Variants in CSMD1 observed in about 807,000 individuals in gnomAD.
The protein encoded by CSMD1 is CUB and Sushi multiple domains 1.
A neutral mutation model predicts 417.5 loss-of-function variants in CSMD1; 213 were observed. The ratio of observed to expected loss-of-function variants is 0.51; its 90% confidence interval spans 0.46 to 0.57. CSMD1 has a LOEUF of 0.57. Among genes scored for constraint, CSMD1 ranks in the 20% least tolerant of loss-of-function variants. The pLI is 0.00. For synonymous variants in CSMD1, 2,862 were observed against 1,736.8 expected, an observed-to-expected ratio of 1.65 and a Z score of -16.11; for missense variants, 6,923 against 4,529.7, an observed-to-expected ratio of 1.53 and a Z score of -15.17.
intron 3 of CSMD1, among the ~76,000 whole-genome samples, chr8:4,210,561 A>G (rs1050500020): frequency 3.3e-5 from 5 of 152,204 alleles, no homozygotes; most frequent in African/African-American, 4.8e-5. Flanking sequence ...CACAAATAGG[A>G]AACACAATAT....
intron 1 of CSMD1, among the ~76,000 whole-genome samples, chr8:4,799,405 C>T (rs1378701541): frequency 6.6e-6 from 1 of 151,446 alleles, no homozygotes; most frequent in Non-Finnish European, 1.5e-5. Flanking sequence ...ATCCTCAGCC[C>T]GGCCACCATG....
At chr8:4,811,034 C>T (rs1798868979) in intron 1 of CSMD1, among the ~76,000 whole-genome samples, 1 of 152,190 alleles carries the variant, frequency 6.6e-6, no homozygotes, top group East Asian at 1.9e-4. Flanking sequence ...GTGAAATGGG[C>T]ATCACACTTA....
chr8:3,507,962 G>T (rs532839031), intron 10 of CSMD1, among the ~76,000 whole-genome samples: 1 of 152,148 alleles, frequency 6.6e-6, no homozygotes, highest in South Asian at 2.1e-4. Flanking sequence ...TAGGTTGCCT[G>T]TTCACTCTGA....
At chr8:3,443,582 G>C (rs1232997297) in intron 12 of CSMD1, among the ~76,000 whole-genome samples, 6 of 152,198 alleles carry the variant, frequency 3.9e-5, no homozygotes, top group African/African-American at 1.2e-4. Flanking sequence ...GTTTAGAAGA[G>C]AAGGAAGCAG....
At chr8:4,290,003 G>C (rs900758656) in intron 3 of CSMD1, among the ~76,000 whole-genome samples, 1 of 152,180 alleles carries the variant, frequency 6.6e-6, no homozygotes, top group Non-Finnish European at 1.5e-5. Flanking sequence ...AATGTGTTAT[G>C]TGCTAAGCAC....
chr8:3,503,656 G>C (rs1004267551), intron 10 of CSMD1, among the ~76,000 whole-genome samples: 3 of 152,218 alleles, frequency 2.0e-5, no homozygotes, highest in Non-Finnish European at 4.4e-5. Flanking sequence ...CCCTGCTACA[G>C]AGAGAATTAG....
chr8:4,275,175 G>A (rs540065638), intron 3 of CSMD1, among the ~76,000 whole-genome samples: 1 of 151,658 alleles, frequency 6.6e-6, no homozygotes, highest in African/African-American at 2.4e-5. Context: ...CATTTTCTGG[G>A]GTTTTTTCTT....
intron 1 of CSMD1, among the ~76,000 whole-genome samples, chr8:4,954,990 G>A (rs1281063986): frequency 1.3e-5 from 2 of 152,042 alleles, no homozygotes; most frequent in Non-Finnish European, 1.5e-5. Flanking sequence ...ATTTTTCTGG[G>A]TTTTCAATGT....
chr8:3,485,441 T>G (rs535509951), intron 11 of CSMD1, among the ~76,000 whole-genome samples: 1 of 151,718 alleles, frequency 6.6e-6, no homozygotes, highest in South Asian at 2.1e-4. Flanking sequence ...TGAGGGAACT[T>G]TGGGGTATTA....
chr8:4,052,415 T>A (rs1055336357), intron 3 of CSMD1, among the ~76,000 whole-genome samples: 1 of 152,206 alleles, frequency 6.6e-6, no homozygotes, highest in Non-Finnish European at 1.5e-5. Context: ...AAGTTCCATA[T>A]TGGAGATCCC....
chr8:3,356,457 A>C (rs561586148), intron 21 of CSMD1, among the ~76,000 whole-genome samples: 6 of 152,190 alleles, frequency 3.9e-5, no homozygotes, highest in Admixed American at 2.0e-4. Context: ...CGGGCACATC[A>C]CATGGTCAGG....
chr8:4,116,867 G>T (rs1021692081), intron 3 of CSMD1, among the ~76,000 whole-genome samples: 1 of 151,940 alleles, frequency 6.6e-6, no homozygotes, highest in Non-Finnish European at 1.5e-5. Context: ...ACTGTACAAT[G>T]TGCCAGAAAA....
At chr8:3,983,838 G>A (rs747947678) in intron 5 of CSMD1, among the ~76,000 whole-genome samples, 2 of 148,640 alleles carry the variant, frequency 1.3e-5, no homozygotes, top group Non-Finnish European at 3.0e-5. Context: ...GGCAGATCTG[G>A]CCGGCTGTCA....
chr8:4,789,935 A>T (rs1797603018), intron 1 of CSMD1, among the ~76,000 whole-genome samples: 1 of 152,200 alleles, frequency 6.6e-6, no homozygotes, highest in Non-Finnish European at 1.5e-5. Context: ...GCCAGAGAAA[A>T]ATGTACCCGA....
intron 12 of CSMD1, among the ~76,000 whole-genome samples, chr8:3,453,795 TGG>T (rs555017653): frequency 6.6e-6 from 1 of 152,138 alleles, no homozygotes; most frequent in Non-Finnish European, 1.5e-5. Context: ...TCTATTGATT[TGG>T]GGGGGATAGT....
At chr8:4,993,869 C>G (rs1584962421) in intron 1 of CSMD1, among the ~76,000 whole-genome samples, 1 of 152,084 alleles carries the variant, frequency 6.6e-6, no homozygotes, top group South Asian at 2.1e-4. Flanking sequence ...TACCAAAACC[C>G]CCGTAGAGAG....
intron 26 of CSMD1, among the ~76,000 whole-genome samples, chr8:3,260,996 A>G (rs749722522): frequency 1.5e-4 from 23 of 151,276 alleles, no homozygotes; most frequent in Non-Finnish European, 2.9e-4. Context: ...AGGAACAACA[A>G]CAACAACAAA....
At chr8:4,021,330 A>C (rs1340625198) in intron 4 of CSMD1, among the ~76,000 whole-genome samples, 1 of 152,198 alleles carries the variant, frequency 6.6e-6, no homozygotes, top group Non-Finnish European at 1.5e-5. Flanking sequence ...ATTAAAGTTT[A>C]TTTCACTTGT....
intron 8 of CSMD1, among the ~76,000 whole-genome samples, chr8:3,600,179 C>G (rs540947832): frequency 6.6e-6 from 1 of 152,324 alleles, no homozygotes; most frequent in South Asian, 2.1e-4. Flanking sequence ...ACTGACAAAC[C>G]ATTGCTTCCC....
Sources: gnomAD v4.1 joint callset for allele counts (sites outside exome capture counted in the v4.1 genomes callset) on GRCh38, gnomAD v4.1.1 for gene constraint, MANE v1.5 for transcripts, NCBI Gene and HGNC (gene_info 2026-07-23, HGNC 2026-07-21) for gene names.